Variants in CNTNAP5 observed in about 807,000 individuals in gnomAD.
CNTNAP5 encodes contactin-associated protein-like 5.
A neutral mutation model predicts 150.2 loss-of-function variants in CNTNAP5; 72 were observed. The ratio of observed to expected loss-of-function variants is 0.48; its 90% CI spans 0.40 to 0.58. The LOEUF is 0.58. Among genes scored for constraint, CNTNAP5 ranks in the 20% least tolerant of loss-of-function variants. CNTNAP5 has a pLI of 0.00. For missense variants in CNTNAP5, 1,636 were observed against 1,626.2 expected (o/e 1.01, Z -0.10); for synonymous variants, 672 against 619.8 (o/e 1.08, Z -1.25).
intron 10 of CNTNAP5, among the ~76,000 whole-genome samples, chr2:124,542,730 G>A (rs546691989): frequency 6.3e-4 from 96 of 152,238 alleles, no homozygotes; most frequent in African/African-American, 2.2e-3. Context: ...AGTCATGACT[G>A]GTTTTCTATT....
At chr2:124,478,358 A>G (rs556634637) in intron 7 of CNTNAP5, among the ~76,000 whole-genome samples, 1 of 152,168 alleles carries the variant, frequency 6.6e-6, no homozygotes, top group Non-Finnish European at 1.5e-5. Flanking sequence ...ATTTAGCACT[A>G]ACGTATTTGG....
chr2:124,354,797 G>A (rs1689956882), intron 3 of CNTNAP5, among the ~76,000 whole-genome samples: 1 of 151,978 alleles, frequency 6.6e-6, no homozygotes, highest in South Asian at 2.1e-4. Context: ...TTTCATTTCT[G>A]ACTAGATTTT....
At chr2:124,256,662 A>G (rs991820135) in intron 3 of CNTNAP5, among the ~76,000 whole-genome samples, 2 of 152,194 alleles carry the variant, frequency 1.3e-5, no homozygotes, top group African/African-American at 2.4e-5. Flanking sequence ...GCCCAATAGA[A>G]CATGGATTAG....
chr2:124,624,641 TG>T (rs1160437294), intron 12 of CNTNAP5, among the ~76,000 whole-genome samples: 1 of 152,252 alleles, frequency 6.6e-6, no homozygotes, highest in African/African-American at 2.4e-5. Flanking sequence ...TAAATAAATC[TG>T]TTCTTGTCCT....
chr2:124,384,704 A>C (rs1259855805), intron 3 of CNTNAP5, among the ~76,000 whole-genome samples: 1 of 152,198 alleles, frequency 6.6e-6, no homozygotes, highest in Non-Finnish European at 1.5e-5. Context: ...CTGAGGAAGA[A>C]GAAAAATAAC....
In CNTNAP5 at chr2:124,425,567, A is replaced by G. The variant is rs1363419240; in HGVS notation, c.529+7977A>G. 1.9e-4 allele frequency among the ~76,000 whole-genome samples: 29 copies of G among 152,100 alleles called. 1 individual carries two copies. The highest frequency in any genetic ancestry group is 1.9e-3 in the Admixed American group (29 of 15,266). Reference sequence around the variant, plus strand: ...CTGTCTATACCTTAGTGGAGTGATCACTATCTTCTCACTGCCCACCATGCA... The same window carrying G: ...CTGTCTATACCTTAGTGGAGTGATCGCTATCTTCTCACTGCCCACCATGCA... On this transcript the variant is annotated intron_variant, in intron 4 of 23. Coordinates refer to ENST00000682447, the MANE Select transcript of CNTNAP5 (RefSeq NM_001367498.1).
intron 2 of CNTNAP5, among the ~76,000 whole-genome samples, chr2:124,235,034 G>C (rs1686715091): frequency 6.6e-6 from 1 of 152,022 alleles, no homozygotes; most frequent in African/African-American, 2.4e-5. Context: ...CTGGAGATAG[G>C]GCCTGAGGGA....
chr2:124,139,705 T>C (rs1277365180), intron 1 of CNTNAP5, among the ~76,000 whole-genome samples: 2 of 152,178 alleles, frequency 1.3e-5, no homozygotes, highest in Non-Finnish European at 2.9e-5. Context: ...CAGATAAGCC[T>C]GTATTTGAGA....
At chr2:124,773,112 G>C in intron 17 of CNTNAP5, 95 bp downstream of exon 17, 3 of 891,240 alleles carry the variant, frequency 3.4e-6, no homozygotes, top group South Asian at 1.4e-5. Context: ...TGAGATCTGG[G>C]ATATGATCAA....
intron 18 of CNTNAP5, among the ~76,000 whole-genome samples, chr2:124,794,656 T>C (rs889754543): frequency 6.6e-6 from 1 of 152,204 alleles, no homozygotes; most frequent in African/African-American, 2.4e-5. Context: ...CTTTTTATTA[T>C]GGAAAAATGG....
rs1308732556 is a variant in CNTNAP5 at position 124,665,316 on chromosome 2, T to C, written c.2077+17358T>C. Reference sequence around the variant, plus strand: ...TTGTAACTCTATTTATAGATCCTCATGTAATCATGAATATGAATATCCTGA... The same window carrying C: ...TTGTAACTCTATTTATAGATCCTCACGTAATCATGAATATGAATATCCTGA... On this transcript the variant is annotated intron_variant, in intron 13 of 23. Transcript: ENST00000682447. Among the ~76,000 whole-genome samples the C allele has an allele frequency of 3.9e-5, 6 of 152,220 alleles. No homozygotes were observed. The East Asian group carries it at 9.6e-4, about 24-fold the overall frequency.
rs907919799 is a variant in CNTNAP5 at position 124,719,973 on chromosome 2, G to A, written c.2078-27256G>A. Reference sequence around the variant, plus strand: ...GATGATTTCCGTGGGGAAAGCCATGGAGAAAGAAAAAAGTGTGGATAATCT... The same window carrying A: ...GATGATTTCCGTGGGGAAAGCCATGAAGAAAGAAAAAAGTGTGGATAATCT... On this transcript the variant is annotated intron_variant, in intron 13 of 23. Transcript: ENST00000682447. Among the ~76,000 whole-genome samples the A allele has an allele frequency of 2.0e-5, 3 of 152,050 alleles. 1 individual carries two copies. Among genetic ancestry groups the A allele is most frequent in the Admixed American group, 6.6e-5 (1 of 15,266 alleles).
chr2:124,443,851 T>TGA (rs1553468771), intron 5 of CNTNAP5, among the ~76,000 whole-genome samples: 54 of 143,618 alleles, frequency 3.8e-4, no homozygotes, highest in Admixed American at 1.1e-3. Context: ...TGTGTGTGTG[T>TGA]GATGTATAAT....
intron 6 of CNTNAP5, among the ~76,000 whole-genome samples, chr2:124,465,322 G>A (rs1163043932): frequency 6.6e-6 from 1 of 152,068 alleles, no homozygotes; most frequent in Non-Finnish European, 1.5e-5. Flanking sequence ...CATTGAGACT[G>A]TGAGTGAAAC....
chr2:124,514,635 C>T (rs1369382519), intron 8 of CNTNAP5, among the ~76,000 whole-genome samples: 1 of 152,006 alleles, frequency 6.6e-6, no homozygotes, highest in Non-Finnish European at 1.5e-5. Flanking sequence ...AGAACATGTG[C>T]CTGGGACACT....
In CNTNAP5 at chr2:124,790,251, C is replaced by T. The variant is rs1007326592; in HGVS notation, c.2992+110C>T. On this transcript the variant is annotated intron_variant, in intron 18 of 23. Transcript: ENST00000682447. ...AGACAGTCTTTATCATCTACTCTCC[C>T]GCTGTTTAGAGAGTCTGCATAGTTC... 162 of 1,193,098 alleles carry T rather than the reference C, an allele frequency of 1.4e-4. No individual in the cohort carries two copies. In the African/African-American group the frequency reaches 1.5e-3, roughly 11 times the overall value. 73.9% of individuals were successfully genotyped at this position (1,193,098 alleles called of 1,614,324 possible). A position where few individuals can be genotyped will look rare whatever the true frequency, so the allele number is the denominator to read the frequency against.
At chr2:124,668,185 C>A (rs768318) in intron 13 of CNTNAP5, among the ~76,000 whole-genome samples, 1 of 152,018 alleles carries the variant, frequency 6.6e-6, no homozygotes, top group Non-Finnish European at 1.5e-5. Context: ...GAGGGCCTTA[C>A]ATCCATCTGT....
intron 1 of CNTNAP5, among the ~76,000 whole-genome samples, chr2:124,130,101 T>G (rs886478299): frequency 2.6e-5 from 4 of 152,196 alleles, no homozygotes; most frequent in South Asian, 4.1e-4. Flanking sequence ...TCTGATTTCC[T>G]TTTCACCATT....
At chr2:124,766,862 A>T (rs1174196829) in intron 16 of CNTNAP5, among the ~76,000 whole-genome samples, 2 of 152,190 alleles carry the variant, frequency 1.3e-5, no homozygotes, top group Non-Finnish European at 2.9e-5. Context: ...AAAAATCAAA[A>T]CCCACTGAAG....
Sources: gnomAD v4.1 joint callset for allele counts (sites outside exome capture counted in the v4.1 genomes callset) on GRCh38, gnomAD v4.1.1 for gene constraint, MANE v1.5 for transcripts, NCBI Gene and HGNC (gene_info 2026-07-23, HGNC 2026-07-21) for gene names.